Variants in ABTB2 observed in about 807,000 individuals in gnomAD.
ABTB2 encodes the protein ankyrin repeat and BTB domain containing 2, also known as ankyrin repeat and BTB/POZ domain-containing protein 2.
In ABTB2, 56 loss-of-function variants were observed where a neutral mutation model predicts 104.1. The ratio of observed to expected loss-of-function variants is 0.54; its 90% confidence interval spans 0.43 to 0.67. The LOEUF is 0.67. Among genes scored for constraint, ABTB2 ranks in the 30% least tolerant of loss-of-function variants. ABTB2 has a pLI of 0.00. For missense variants in ABTB2, 1,279 were observed against 1,407.7 expected, an observed-to-expected ratio of 0.91 and a Z score of 1.46; for synonymous variants, 606 against 608.2, an observed-to-expected ratio of 1.00 and a Z score of 0.05.
intron 1 of ABTB2, among the ~76,000 whole-genome samples, chr11:34,352,132 C>T (rs1233077775): frequency 6.6e-6 from 1 of 152,130 alleles, no homozygotes; most frequent in African/African-American, 2.4e-5. Context: ...ATTCATCCTA[C>T]AATCTCATCA....
At chr11:34,240,508 A>T (rs533473642) in intron 1 of ABTB2, among the ~76,000 whole-genome samples, 17 of 152,244 alleles carry the variant, frequency 1.1e-4, no homozygotes, top group African/African-American at 3.9e-4. Flanking sequence ...ATCTCCTAAT[A>T]ATTGACATCT....
intron 1 of ABTB2, among the ~76,000 whole-genome samples, chr11:34,296,488 T>TATA (rs1854624361): frequency 6.6e-6 from 1 of 151,702 alleles, no homozygotes; most frequent in Non-Finnish European, 1.5e-5. Context: ...AGGCCCAAGG[T>TATA]ATAACCCTGA....
chr11:34,184,884 G>T (rs558432556), intron 3 of ABTB2, among the ~76,000 whole-genome samples: 1 of 152,240 alleles, frequency 6.6e-6, no homozygotes, highest in South Asian at 2.1e-4. Context: ...CAGAGACCAC[G>T]AGCTCTTTCA....
At chr11:34,166,845 A>G (rs892199151) in intron 7 of ABTB2, among the ~76,000 whole-genome samples, 1 of 152,264 alleles carries the variant, frequency 6.6e-6, no homozygotes, top group Non-Finnish European at 1.5e-5. Flanking sequence ...AGGAGGGGAC[A>G]GAATTGCACA....
chr11:34,320,403 G>A (rs1303116815), intron 1 of ABTB2, among the ~76,000 whole-genome samples: 1 of 152,186 alleles, frequency 6.6e-6, no homozygotes, highest in African/African-American at 2.4e-5. Context: ...CTCAGTGGCC[G>A]AAGCAGTCTG....
chr11:34,158,543 C>T (rs1001112311), intron 14 of ABTB2, among the ~76,000 whole-genome samples: 1 of 152,244 alleles, frequency 6.6e-6, no homozygotes, highest in Admixed American at 6.5e-5. Context: ...CTGCCAGCTG[C>T]CTCCTGGCCT....
intron 1 of ABTB2, among the ~76,000 whole-genome samples, chr11:34,238,731 T>C (rs1853876242): frequency 6.6e-6 from 1 of 152,190 alleles, no homozygotes; most frequent in Non-Finnish European, 1.5e-5. Context: ...ATTCTTTCCT[T>C]GTGTTTGATC....
chr11:34,349,138 GT>G (rs1746303770), intron 1 of ABTB2, among the ~76,000 whole-genome samples: 1 of 152,216 alleles, frequency 6.6e-6, no homozygotes, highest in South Asian at 2.1e-4. Context: ...CACAAAGTGT[GT>G]TTACATGACA....
chr11:34,318,320 A>G (rs1276041957), intron 1 of ABTB2, among the ~76,000 whole-genome samples: 2 of 152,068 alleles, frequency 1.3e-5, no homozygotes, highest in Non-Finnish European at 2.9e-5. Context: ...ATGTCCATGC[A>G]TACCCATTGT....
At chr11:34,350,312 C>T (rs1290710540) in intron 1 of ABTB2, among the ~76,000 whole-genome samples, 1 of 152,210 alleles carries the variant, frequency 6.6e-6, no homozygotes, top group Non-Finnish European at 1.5e-5. Flanking sequence ...AGACCAGTGA[C>T]CTAGACTCAA....
chr11:34,200,208 A>G (rs1275927145), intron 2 of ABTB2, among the ~76,000 whole-genome samples: 5 of 152,278 alleles, frequency 3.3e-5, no homozygotes, highest in Non-Finnish European at 7.3e-5. Context: ...AGTCTGTGAT[A>G]GCATCAAAGA....
intron 1 of ABTB2, among the ~76,000 whole-genome samples, chr11:34,318,696 A>G (rs1308654394): frequency 6.6e-6 from 1 of 152,236 alleles, no homozygotes; most frequent in Non-Finnish European, 1.5e-5. Flanking sequence ...GTAAGTACAG[A>G]GTCCAAGAGT....
intron 1 of ABTB2, among the ~76,000 whole-genome samples, chr11:34,279,756 T>C (rs541194845): frequency 6.6e-5 from 10 of 151,956 alleles, no homozygotes; most frequent in African/African-American, 2.4e-4. Flanking sequence ...AGCCAGTGAC[T>C]ATTCTAAATG....
At chr11:34,321,051 G>A (rs1287773362) in intron 1 of ABTB2, among the ~76,000 whole-genome samples, 3 of 151,968 alleles carry the variant, frequency 2.0e-5, no homozygotes, top group Admixed American at 1.3e-4. Flanking sequence ...GCATGGTGGC[G>A]CATGCCTGTA....
At chr11:34,321,837 G>T (rs1855008228) in intron 1 of ABTB2, among the ~76,000 whole-genome samples, 1 of 152,184 alleles carries the variant, frequency 6.6e-6, no homozygotes, top group Non-Finnish European at 1.5e-5. Context: ...CTTCCCTCAG[G>T]CCTTGATGGC....
At chr11:34,283,456 T>C (rs1464942943) in intron 1 of ABTB2, among the ~76,000 whole-genome samples, 1 of 152,204 alleles carries the variant, frequency 6.6e-6, no homozygotes, top group Non-Finnish European at 1.5e-5. Context: ...CCTCAAGTGA[T>C]CCGCCTACCT....
chr11:34,357,921 G>A lies in ABTB2; in HGVS notation c.-338C>T, dbSNP rs1855488085. 2 of 253,428 alleles carry A rather than the reference G, an allele frequency of 7.9e-6. No individual in the cohort carries two copies. Among genetic ancestry groups the A allele is most frequent in the Non-Finnish European group, 1.5e-5 (2 of 134,778 alleles). The allele number at this position is 253,428 out of a possible 1,614,324, so 15.7% of individuals were successfully genotyped here. A position where few individuals can be genotyped will look rare whatever the true frequency, so the allele number is the denominator to read the frequency against. On this transcript the variant is annotated 5_prime_UTR_variant, in exon 1 of 17. Coordinates refer to ENST00000435224, the MANE Select transcript of ABTB2 (RefSeq NM_145804.3). Reference sequence around the variant, plus strand: ...AGGAATCCCGGGAGAACAGGGCGGCGGCGGCAGAAGGAGGAGGCGGCGGCG... The same window carrying A: ...AGGAATCCCGGGAGAACAGGGCGGCAGCGGCAGAAGGAGGAGGCGGCGGCG...
intron 1 of ABTB2, among the ~76,000 whole-genome samples, chr11:34,347,905 C>A (rs1021432745): frequency 1.3e-5 from 2 of 152,138 alleles, no homozygotes; most frequent in Non-Finnish European, 2.9e-5. Flanking sequence ...AGTTCTGGGA[C>A]CATCTTCTCT....
chr11:34,263,809 A>G (rs1854216505), intron 1 of ABTB2, among the ~76,000 whole-genome samples: 1 of 152,142 alleles, frequency 6.6e-6, no homozygotes, highest in South Asian at 2.1e-4. Flanking sequence ...GTGACACACG[A>G]CACACATCAG....
Sources: allele counts gnomAD v4.1 joint callset (sites outside exome capture counted in the v4.1 genomes callset), GRCh38; gene constraint gnomAD v4.1.1; transcripts MANE v1.5; gene names NCBI Gene and HGNC (gene_info 2026-07-23, HGNC 2026-07-21).